Variants in TRIM25 observed in about 807,000 individuals in gnomAD.
TRIM25 encodes the protein E3 ubiquitin/ISG15 ligase TRIM25.
Under a neutral mutation model 65.2 loss-of-function variants are expected in TRIM25, and 45 were observed. The ratio of observed to expected loss-of-function variants is 0.69; its 90% CI spans 0.54 to 0.89. The LOEUF is 0.89. Among genes scored for constraint, TRIM25 ranks in the 40% least tolerant of loss-of-function variants. TRIM25 has a pLI of 0.00. For missense variants in TRIM25, 714 were observed against 803.7 expected, an observed-to-expected ratio of 0.89 and a Z score of 1.35; for synonymous variants, 321 against 340.4, an observed-to-expected ratio of 0.94 and a Z score of 0.63.
Position 56,913,716 on chromosome 17 carries a change from C to T in TRIM25, c.273G>A (p.Thr91=), listed in dbSNP as rs985680885. The T allele has an allele frequency of 2.6e-6, 4 of 1,563,756 alleles. No individual in the cohort carries two copies. The highest frequency in any genetic ancestry group is 1.8e-5 in the Admixed American group (1 of 55,156). Reference sequence around the variant, plus strand: ...TGGGTGCAGAGGCGCGGGCGGGCGGCGTCCAGACGTCGGCGGGTGGCTCCC... The same window carrying T: ...TGGGTGCAGAGGCGCGGGCGGGCGGTGTCCAGACGTCGGCGGGTGGCTCCC... ...LAREPPADVW[T]PPARASAPSP... The change falls in exon 1 of 9, where the codon ACG becomes ACA. Residue 91 remains threonine (T), a synonymous_variant. Transcript: ENST00000316881. This position sits in a 1 kb window ranked among gnomAD's most constrained non-coding sequence, Gnocchi z 6.1.
In TRIM25 at chr17:56,891,765, C is replaced by G. The variant is rs756810953; in HGVS notation, c.1828G>C (p.Ala610Pro). The change falls in exon 9 of 9, where the codon GCT becomes CCT. Residue 610 changes from alanine to proline, a missense_variant. Transcript: ENST00000316881. ...MYKFRVDFTE[A>P]LYPAFWVFSA... is the part of the protein sequence containing the mutation. Reference sequence around the variant, plus strand: ...AATACCCAGAAAGCCGGGTACAAAGCCTCAGTAAAGTCCACCCTGAACTTA... The same window carrying G: ...AATACCCAGAAAGCCGGGTACAAAGGCTCAGTAAAGTCCACCCTGAACTTA... The G allele has an allele frequency of 1.9e-6, 3 of 1,614,188 alleles. No homozygotes were observed. In the African/African-American group the frequency reaches 4.0e-5, roughly 22 times the overall value.
intron 4 of TRIM25, 101 bp downstream of exon 4, chr17:56,901,318 G>A: frequency 7.3e-7 from 1 of 1,360,732 alleles, no homozygotes; most frequent in South Asian, 1.4e-5. Flanking sequence ...TCAGGCCCCA[G>A]TGCTCGGGAT....
Position 56,900,383 on chromosome 17 carries a change from A to G in TRIM25, c.1087+1036T>C, listed in dbSNP as rs565842909. Among the ~76,000 whole-genome samples the G allele has an allele frequency of 5.5e-4, 84 of 152,184 alleles. 1 individual carries two copies. The highest frequency in any genetic ancestry group is 1.5e-5 in the Non-Finnish European group (1 of 68,006). On this transcript the variant is annotated intron_variant, in intron 4 of 8. Coordinates refer to ENST00000316881, the MANE Select transcript of TRIM25 (RefSeq NM_005082.5). ...GCCTGGGCGACAGAGCAAGATCCTG[A>G]ATAAATAAATAAATAAGCCGCAGCC...
intron 4 of TRIM25, 80 bp from the exon 5 acceptor site, chr17:56,899,260 C>A: frequency 6.8e-7 from 1 of 1,465,904 alleles, no homozygotes; most frequent in Admixed American, 1.7e-5. Flanking sequence ...GGTCGGTGGG[C>A]AGGCAGAGGG....
chr17:56,899,283 G>C, intron 4 of TRIM25, 103 bp from the exon 5 acceptor site: 5 of 1,168,458 alleles, frequency 4.3e-6, no homozygotes, highest in Non-Finnish European at 6.3e-6. Context: ...TACACAGACA[G>C]CCATTTCCTC....
Position 56,888,077 on chromosome 17 carries a change from G to A in TRIM25, c.*3623C>T, listed in dbSNP as rs1909092181. ...TAGCCACAGCTTCACCACCCAGGAA[G>A]CTATGCTGAGCTTTAGTGTCCAGAG... On this transcript the variant is annotated 3_prime_UTR_variant, in exon 9 of 9. Coordinates refer to ENST00000316881, the MANE Select transcript of TRIM25 (RefSeq NM_005082.5). The A allele has an allele frequency of 6.6e-6, 1 of 152,306 alleles. No individual in the cohort carries two copies. Among genetic ancestry groups the A allele is most frequent in the Non-Finnish European group, 1.5e-5 (1 of 68,098 alleles). The allele number at this position is 152,306 out of a possible 1,614,324, so 9.4% of individuals were successfully genotyped here.
At chr17:56,898,677 G>C (rs920132077) in intron 5 of TRIM25, among the ~76,000 whole-genome samples, 1 of 151,324 alleles carries the variant, frequency 6.6e-6, no homozygotes, top group Non-Finnish European at 1.5e-5. Context: ...TGGTTCTGGG[G>C]ATGAGCAGGA....
At chr17:56,901,628 C>G in intron 3 of TRIM25, 50 bp from the exon 4 acceptor site, 1 of 1,607,742 alleles carries the variant, frequency 6.2e-7, no homozygotes, top group Non-Finnish European at 8.5e-7. Context: ...AAACGGGGAC[C>G]TGGGCTCAGT....
intron 8 of TRIM25, among the ~76,000 whole-genome samples, chr17:56,893,733 T>C (rs1909230713): frequency 6.6e-6 from 1 of 152,030 alleles, no homozygotes; most frequent in Non-Finnish European, 1.5e-5. Flanking sequence ...TTGGACGAGC[T>C]TGCAAAGGAG....
chr17:56,900,982 G>A (rs140108725), intron 4 of TRIM25, among the ~76,000 whole-genome samples: 200 of 152,310 alleles, frequency 1.3e-3, no homozygotes, highest in African/African-American at 4.6e-3. Context: ...GCTAGGATCA[G>A]CAGACTGAGT....
chr17:56,913,488 G>C lies in TRIM25; in HGVS notation c.501C>G (p.Phe167Leu), dbSNP rs768772040. 3.1e-6 allele frequency: 5 copies of C among 1,613,464 alleles called. No homozygotes were observed. Among genetic ancestry groups the C allele is most frequent in the Non-Finnish European group, 3.4e-6 (4 of 1,179,738 alleles). ...AGATGCACTCGCTGTGCTCGGGGCA[G>C]AAAAATTCCCGCAGCCGATTGTGCT... is the stretch of plus-strand genomic sequence containing the variant. ...CSQHNRLREF[F>L]CPEHSECICH... Residue 167 changes from phenylalanine (F) to leucine (L), a missense_variant, in exon 1 of 9, where the codon TTC becomes TTG. Phe to Leu is a conservative substitution (Grantham distance 22). Transcript: ENST00000316881. The surrounding 1 kb of genome is among the most constrained non-coding windows in gnomAD (Gnocchi z 6.1).
In TRIM25 at chr17:56,913,998, A is replaced by G. The variant is rs767597045; in HGVS notation, c.-10T>C. 8.6e-6 allele frequency: 13 copies of G among 1,517,466 alleles called. No homozygotes were observed. The highest frequency in any genetic ancestry group is 1.2e-5 in the Non-Finnish European group (13 of 1,126,798). The allele number at this position is 1,517,466 out of a possible 1,614,324, so 94.0% of individuals were successfully genotyped here. On this transcript the variant is annotated 5_prime_UTR_variant, in exon 1 of 9. Transcript: ENST00000316881. The surrounding 1 kb of genome is among the most constrained non-coding windows in gnomAD (Gnocchi z 6.1). Reference sequence around the variant, plus strand: ...GGCACAGCTCTGCCATGGCGCTCCCAGGGGTCGGGACACAACTGCTGCACC... The same window carrying G: ...GGCACAGCTCTGCCATGGCGCTCCCGGGGGTCGGGACACAACTGCTGCACC...
chr17:56,902,809 G>T (rs1286889912), intron 3 of TRIM25, among the ~76,000 whole-genome samples: 4 of 152,222 alleles, frequency 2.6e-5, no homozygotes, highest in African/African-American at 9.7e-5. Context: ...GTTGGAGGTG[G>T]GGCAGGGTGG....
intron 7 of TRIM25, 25 bp downstream of exon 7, chr17:56,895,496 A>G (rs766086325): frequency 6.8e-6 from 11 of 1,614,040 alleles, no homozygotes; most frequent in Non-Finnish European, 9.3e-6. Context: ...GGACACCCCA[A>G]AGCTCCTTGC....
At chr17:56,894,770 G>C (rs1319325163) in intron 8 of TRIM25, among the ~76,000 whole-genome samples, 2 of 152,216 alleles carry the variant, frequency 1.3e-5, no homozygotes, top group Non-Finnish European at 2.9e-5. Flanking sequence ...AGACTCCAGA[G>C]CCCAGGGCCA....
In TRIM25 at chr17:56,899,060, C is replaced by T. The variant is rs1278514699; in HGVS notation, c.1153+55G>A. The T allele has an allele frequency of 2.6e-5, 42 of 1,603,220 alleles. No individual in the cohort carries two copies. In the East Asian group the frequency reaches 8.7e-4, roughly 33 times the overall value. On this transcript the variant is annotated intron_variant, in intron 5 of 8. Coordinates refer to ENST00000316881, the MANE Select transcript of TRIM25 (RefSeq NM_005082.5). ...TGGGCCGGAAGTGACTTGGCCAGAGCCTGGGGAGGCCACAGCCATGCTGTT... is the reference window on the plus strand; with the variant it reads ...TGGGCCGGAAGTGACTTGGCCAGAGTCTGGGGAGGCCACAGCCATGCTGTT...
chr17:56,896,591 C>A (rs1432523185), intron 5 of TRIM25, among the ~76,000 whole-genome samples: 1 of 151,780 alleles, frequency 6.6e-6, no homozygotes, highest in African/African-American at 2.4e-5. Flanking sequence ...ATTGCTTGAG[C>A]CCAGGAGGAT....
Position 56,891,725 on chromosome 17 carries a change from G to A in TRIM25, c.1868C>T (p.Thr623Ile). The part of the protein sequence containing the change: ...PAFWVFSAGA[T>I]LSICSPK ...CTACTTGGGGGAGCAGATGGAGAGT[G>A]TGGCACCAGCAGAAAATACCCAGAA... The change falls in exon 9 of 9, where the codon ACA (threonine) becomes ATA (isoleucine). Residue 623 changes from threonine to isoleucine, a missense_variant. Around this residue, in one of 3 missense-constraint regions of TRIM25, gnomAD observed 10 missense variants for 23.6 expected, o/e 0.42. Transcript: ENST00000316881. The A allele has an allele frequency of 6.2e-7, 1 of 1,613,832 alleles. No individual in the cohort carries two copies. Among genetic ancestry groups the A allele is most frequent in the African/African-American group, 1.3e-5 (1 of 75,014 alleles).
chr17:56,907,376 T>TTG (rs2144361391), intron 2 of TRIM25, among the ~76,000 whole-genome samples: 1 of 152,354 alleles, frequency 6.6e-6, no homozygotes, highest in Non-Finnish European at 1.5e-5. Context: ...CAGAAAGAAC[T>TTG]TGTGATTCCA....
Sources: allele counts gnomAD v4.1 joint callset (sites outside exome capture counted in the v4.1 genomes callset), GRCh38; gene constraint gnomAD v4.1.1; regional missense constraint gnomAD v4.1.1; non-coding constraint Gnocchi (gnomAD v3.1); transcripts MANE v1.5; gene names NCBI Gene and HGNC (gene_info 2026-07-23, HGNC 2026-07-21).